The following BICRAL variants were observed in gnomAD, a reference collection of about 807,000 sequenced individuals.
The protein encoded by BICRAL is BRD4-interacting chromatin-remodeling complex-associated protein-like.
In BICRAL, 8 loss-of-function variants were observed where a neutral mutation model predicts 91.8. That is an observed-to-expected ratio of 0.09 (90% CI 0.05 to 0.16). The LOEUF (loss-of-function observed/expected upper bound fraction) is 0.16, where lower values mean the gene tolerates loss of function less well. Among genes scored for constraint, BICRAL ranks in the 10% least tolerant of loss-of-function variants. The pLI, the probability that BICRAL is intolerant of heterozygous loss-of-function variation, is 1.00. For synonymous variants in BICRAL, 445 were observed against 491.1 expected, an observed-to-expected ratio of 0.91 and a Z score of 1.24; for missense variants, 1,038 against 1,310.9, an observed-to-expected ratio of 0.79 and a Z score of 3.21.
upstream of BICRAL, among the ~76,000 whole-genome samples, chr6:42,781,665 CTTAGTAA>C (rs1210784460): frequency 5.5e-5 from 8 of 146,498 alleles, no homozygotes; most frequent in Non-Finnish European, 1.2e-4. Flanking sequence ...CCTCGTGGAT[CTTAGTAA>C]TTGTTTTAAA....
chr6:42,809,274 T>C (rs1482157511), intron 1 of BICRAL, among the ~76,000 whole-genome samples: 1 of 152,032 alleles, frequency 6.6e-6, no homozygotes, highest in African/African-American at 2.4e-5. Flanking sequence ...GAACTCATTC[T>C]TTTTTATGGC....
At chr6:42,860,678 CT>C (rs2114041529) in intron 11 of BICRAL, among the ~76,000 whole-genome samples, 1 of 152,362 alleles carries the variant, frequency 6.6e-6, no homozygotes, top group South Asian at 2.1e-4. Context: ...CATCTGACCC[CT>C]GGTCCACACT....
chr6:42,838,887 G>C (rs1004939293), intron 6 of BICRAL, among the ~76,000 whole-genome samples: 6 of 152,074 alleles, frequency 3.9e-5, no homozygotes, highest in Non-Finnish European at 5.9e-5. Context: ...CTTGAACCTG[G>C]GAGGCAGAGG....
chr6:42,844,166 G>A (rs1364398017), intron 6 of BICRAL, among the ~76,000 whole-genome samples: 1 of 150,658 alleles, frequency 6.6e-6, no homozygotes, highest in Non-Finnish European at 1.5e-5. Context: ...CATATAGATA[G>A]AGTAGAAAAC....
intron 1 of BICRAL, among the ~76,000 whole-genome samples, chr6:42,754,742 A>T (rs576015318): frequency 9.2e-5 from 14 of 152,184 alleles, no homozygotes; most frequent in African/African-American, 3.4e-4. Context: ...AAAATGTTTT[A>T]AAAAATTGTC....
intron 2 of BICRAL, among the ~76,000 whole-genome samples, chr6:42,820,185 A>T (rs1273475445): frequency 2.6e-5 from 4 of 152,072 alleles, no homozygotes; most frequent in African/African-American, 9.7e-5. Context: ...GGAACTAGGC[A>T]AGTGTGTCAA....
At chr6:42,814,657 C>G (rs1582839333) in intron 2 of BICRAL, among the ~76,000 whole-genome samples, 1 of 150,776 alleles carries the variant, frequency 6.6e-6, no homozygotes, top group Non-Finnish European at 1.5e-5. Flanking sequence ...TCCCAAGTAG[C>G]TGGGATTACA....
intron 10 of BICRAL, among the ~76,000 whole-genome samples, chr6:42,857,614 A>AAAAAAT: frequency 9.4e-5 from 9 of 96,226 alleles, no homozygotes; most frequent in African/African-American, 5.2e-4. Context: ...AAAAAAAAAA[A>AAAAAAT]ATATATATAT....
chr6:42,819,979 A>G (rs191475900), intron 2 of BICRAL, among the ~76,000 whole-genome samples: 22 of 152,296 alleles, frequency 1.4e-4, no homozygotes, highest in African/African-American at 5.1e-4. Flanking sequence ...AAGGTTGCAC[A>G]ATGGCTTTTA....
At chr6:42,774,471 G>GA (rs1762783066) in intron 1 of BICRAL, among the ~76,000 whole-genome samples, 1 of 152,150 alleles carries the variant, frequency 6.6e-6, no homozygotes, top group Admixed American at 6.5e-5. Context: ...GGCCGCGTGC[G>GA]AAATATCCTT....
intron 6 of BICRAL, among the ~76,000 whole-genome samples, chr6:42,831,025 G>T (rs1764461139): frequency 6.6e-6 from 1 of 152,180 alleles, no homozygotes; most frequent in South Asian, 2.1e-4. Flanking sequence ...TACCATTCTA[G>T]ACTTAATTGT....
intron 1 of BICRAL, among the ~76,000 whole-genome samples, chr6:42,751,218 C>T (rs1272363516): frequency 6.6e-6 from 1 of 151,840 alleles, no homozygotes; most frequent in Admixed American, 6.6e-5. Flanking sequence ...AGTCCCCCTC[C>T]AACCCCAAGG....
intron 2 of BICRAL, among the ~76,000 whole-genome samples, chr6:42,814,368 T>A (rs934997066): frequency 4.1e-5 from 6 of 144,734 alleles, no homozygotes; most frequent in African/African-American, 1.5e-4. Flanking sequence ...CATACACATA[T>A]GTATATGTAT....
chr6:42,806,121 T>A (rs1226481826), intron 1 of BICRAL, among the ~76,000 whole-genome samples: 1 of 152,204 alleles, frequency 6.6e-6, no homozygotes, highest in African/African-American at 2.4e-5. Flanking sequence ...CCACAGCATC[T>A]TTCCTTCAGT....
intron 5 of BICRAL, among the ~76,000 whole-genome samples, chr6:42,823,319 G>A (rs1764198087): frequency 6.6e-6 from 1 of 151,990 alleles, no homozygotes; most frequent in South Asian, 2.1e-4. Context: ...ACAGAGTTTC[G>A]CCATGTTAGC....
chr6:42,855,767 T>G, intron 8 of BICRAL, 89 bp from the exon 9 acceptor site: 1 of 1,023,916 alleles, frequency 9.8e-7, no homozygotes, highest in Non-Finnish European at 1.5e-6. Flanking sequence ...GATAGGTAGT[T>G]GAAAATATGT....
At chr6:42,822,153 G>C in intron 3 of BICRAL, 90 bp downstream of exon 3, 1 of 707,268 alleles carries the variant, frequency 1.4e-6, no homozygotes, top group Non-Finnish European at 2.5e-6. Context: ...CACCTGATAG[G>C]TATTTTAAAT....
In BICRAL at chr6:42,864,706, G is replaced by A. The variant is rs768577179; in HGVS notation, c.2500G>A (p.Ala834Thr). The A allele has an allele frequency of 6.2e-7, 1 of 1,614,006 alleles. No homozygotes were observed. The highest frequency in any genetic ancestry group is 1.3e-5 in the African/African-American group (1 of 74,910). Reference sequence around the variant, plus strand: ...TTGTTCCTTCAAACTTGATAAAGCTGCTCATGAGACACAGTTTGGCCGGAG... The same window carrying A: ...TTGTTCCTTCAAACTTGATAAAGCTACTCATGAGACACAGTTTGGCCGGAG... Reference protein sequence around the residue: ...FCCSFKLDKAAHETQFGRSDQ... With the variant: ...FCCSFKLDKATHETQFGRSDQ... Residue 834 changes from alanine (A) to threonine (T), a missense_variant, in exon 13 of 13, where the codon GCT (alanine) becomes ACT (threonine). Around this residue, in one of 5 missense-constraint regions of BICRAL, gnomAD observed 294 missense variants for 292.6 expected, o/e 1.00. Coordinates refer to ENST00000314073, the MANE Select transcript of BICRAL (RefSeq NM_001393499.1).
At chr6:42,831,769 C>T (rs1764487155) in intron 6 of BICRAL, among the ~76,000 whole-genome samples, 1 of 149,556 alleles carries the variant, frequency 6.7e-6, no homozygotes, top group Non-Finnish European at 1.5e-5. Context: ...GAGACAGTCT[C>T]ACTCTGTTGC....
Sources: gnomAD v4.1 joint callset for allele counts (sites outside exome capture counted in the v4.1 genomes callset) on GRCh38, gnomAD v4.1.1 for gene constraint, gnomAD v4.1.1 regional missense constraint, MANE v1.5 for transcripts, NCBI Gene and HGNC (gene_info 2026-07-23, HGNC 2026-07-21) for gene names.